Variants in SUN1 observed in about 807,000 individuals in gnomAD.
The protein encoded by SUN1 is Sad1 and UNC84 domain containing 1, also known as SUN domain-containing protein 1.
Under a neutral mutation model 103.2 loss-of-function variants are expected in SUN1, and 61 were observed. The ratio of observed to expected loss-of-function variants is 0.59; its 90% confidence interval spans 0.48 to 0.73. The LOEUF is 0.73. SUN1 is among the 30% of genes least tolerant of loss of function. The pLI is 0.00. For synonymous variants in SUN1, 490 were observed against 425.7 expected, an observed-to-expected ratio of 1.15 and a Z score of -1.86; for missense variants, 1,052 against 1,034.6, an observed-to-expected ratio of 1.02 and a Z score of -0.23.
Position 857,269 on chromosome 7 carries a change from G to A in SUN1, c.1395-559G>A, listed in dbSNP as rs529130317. On this transcript the variant is annotated intron_variant, in intron 12 of 18. Transcript: ENST00000401592. ...CCATGTTCCTCTTCTGTGAGGACAG[G>A]TGTGAGAGCTGGAGCACGGTTTTCT... is the stretch of plus-strand genomic sequence containing the variant. Among the ~76,000 whole-genome samples, 7 of 152,304 alleles carry A rather than the reference G, an allele frequency of 4.6e-5. 1 individual carries two copies. Among genetic ancestry groups the A allele is most frequent in the African/African-American group, 1.7e-4 (7 of 41,560 alleles).
chr7:827,538 C>T (rs990127269), upstream of SUN1, among the ~76,000 whole-genome samples: 7 of 148,638 alleles, frequency 4.7e-5, no homozygotes, highest in East Asian at 2.1e-4. Context: ...GGCGCAATCT[C>T]GGCTCACTGC....
At chr7:868,262 G>A (rs985223197) in intron 16 of SUN1, among the ~76,000 whole-genome samples, 2 of 152,256 alleles carry the variant, frequency 1.3e-5, no homozygotes, top group Non-Finnish European at 2.9e-5. Flanking sequence ...CAACTTGTCA[G>A]TCAGTCCCTG....
rs1554262344 is a variant in SUN1, at chr7:841,938, C to G, written c.267-8C>G. ...ATCTATAAACTTGCTGTTTTTTTTT[C>G]TTCTTAGAACAACAAAACAGCGCAG... On this transcript the variant is annotated splice_polypyrimidine_tract_variant and splice_region_variant and intron_variant, in intron 2 of 18. Transcript: ENST00000401592. 6.3e-7 allele frequency: 1 copy of G among 1,599,618 alleles called. No individual in the cohort carries two copies. Among genetic ancestry groups the G allele is most frequent in the Admixed American group, 1.8e-5 (1 of 56,308 alleles).
intron 1 of SUN1, among the ~76,000 whole-genome samples, chr7:836,319 A>AG (rs1202803519): frequency 6.6e-6 from 1 of 152,184 alleles, no homozygotes; most frequent in Non-Finnish European, 1.5e-5. Context: ...GCAGGCAGGA[A>AG]GGGTGTGTCA....
chr7:844,684 C>T (rs1813486522), intron 5 of SUN1, among the ~76,000 whole-genome samples: 2 of 152,230 alleles, frequency 1.3e-5, no homozygotes, highest in Admixed American at 1.3e-4. Context: ...TGCACGGTGC[C>T]TGCTTGGGTT....
chr7:847,494 C>T (rs563482555), intron 5 of SUN1, among the ~76,000 whole-genome samples: 44 of 102,986 alleles, frequency 4.3e-4, no homozygotes, highest in Non-Finnish European at 7.4e-4. Flanking sequence ...TACCCCACAG[C>T]GCCGTGCGCC....
chr7:839,963 C>T (rs986255095), intron 2 of SUN1, among the ~76,000 whole-genome samples: 2 of 152,244 alleles, frequency 1.3e-5, no homozygotes, highest in Admixed American at 6.5e-5. Context: ...GATCTCTGAA[C>T]TCTCCACGTG....
chr7:837,860 A>G (rs1319380755), intron 1 of SUN1, among the ~76,000 whole-genome samples: 3 of 152,230 alleles, frequency 2.0e-5, no homozygotes, highest in South Asian at 2.1e-4. Context: ...TAGAATCACA[A>G]TTGTGTAAAA....
chr7:840,787 G>T (rs1808873440), intron 2 of SUN1, among the ~76,000 whole-genome samples: 1 of 145,646 alleles, frequency 6.9e-6, no homozygotes, highest in Non-Finnish European at 1.5e-5. Context: ...GACTACAGGT[G>T]CCCGCCACCA....
In SUN1 at chr7:849,421, C is replaced by T. The variant is rs766558920; in HGVS notation, c.659-1963C>T. The stretch of plus-strand genomic sequence containing the variant: ...GTGGGAACTCTGTGGAAGTGGCTAG[C>T]CTTGCACATCCTCTGATCATGTTGA... On this transcript the variant is annotated intron_variant, in intron 5 of 18. Transcript: ENST00000401592. 3.4e-5 allele frequency: 31 copies of T among 913,450 alleles called. 1 individual carries two copies. Among genetic ancestry groups the T allele is most frequent in the Non-Finnish European group, 4.2e-5 (27 of 636,004 alleles). The allele number at this position is 913,450 out of a possible 1,614,324, so 56.6% of individuals were successfully genotyped here. A position where few individuals can be genotyped will look rare whatever the true frequency, so the allele number is the denominator to read the frequency against.
rs1825790415 is a variant in SUN1, at chr7:855,000, A to G, written c.1344A>G (p.Lys448=). 6 of 1,611,308 alleles carry G rather than the reference A, an allele frequency of 3.7e-6. No individual in the cohort carries two copies. The highest frequency in any genetic ancestry group is 5.1e-6 in the Non-Finnish European group (6 of 1,178,250). Residue 448 remains lysine, a synonymous_variant, in exon 11 of 19, where the codon AAA becomes AAG. Transcript: ENST00000401592. ...LEDILGKLRE[K]SEAIQKELEQ... is the part of the protein sequence containing the mutation. The stretch of plus-strand genomic sequence containing the variant: ...ATATTCTGGGAAAACTGAGAGAAAA[A>G]TCTGAGGTATTTATTTTTGACCTTA...
Position 874,190 on chromosome 7 carries a change from TAAG to T in SUN1, c.*861_*863del, listed in dbSNP as rs1372063590. The T allele has an allele frequency of 1.3e-5, 2 of 152,426 alleles. No homozygotes were observed. The highest frequency in any genetic ancestry group is 2.9e-5 in the Non-Finnish European group (2 of 68,042). 9.4% of individuals were successfully genotyped at this position (152,426 alleles called of 1,614,324 possible). ...TGAGCCTCCCTCTCACTGGTGGTGA[TAAG>T]AGGAGCCGTCTGGTGTGTCAGGGTC... On this transcript the variant is annotated 3_prime_UTR_variant, in exon 19 of 19. Coordinates refer to ENST00000401592, the MANE Select transcript of SUN1 (RefSeq NM_001130965.3).
intron 1 of SUN1, among the ~76,000 whole-genome samples, chr7:819,124 A>C (rs1411479109): frequency 6.6e-6 from 1 of 150,938 alleles, no homozygotes; most frequent in African/African-American, 2.4e-5. Flanking sequence ...CGCCCTCCCA[A>C]AGTGCTGGGA....
In SUN1 at chr7:839,666, C is replaced by CA. The variant is rs1451911996; in HGVS notation, c.266+680_266+681insA. ...CTCCCGGGTTCAAGAGATTCTCCTG[C>CA]CTCAGCCTCCCGAGTAGCTGGGACT... On this transcript the variant is annotated intron_variant, in intron 2 of 18. Transcript: ENST00000401592. Among the ~76,000 whole-genome samples, 10 of 113,020 alleles carry CA rather than the reference C, an allele frequency of 8.8e-5. 4 individuals carry two copies. The highest frequency in any genetic ancestry group is 3.7e-4 in the East Asian group (1 of 2,718). The allele number at this position is 113,020 out of a possible 152,430, so 74.1% of individuals were successfully genotyped here.
At position 857,923 on chromosome 7, in the gene SUN1, C is replaced by G. The variant is rs1828995586; in HGVS notation, c.1490C>G (p.Thr497Ser). The change falls in exon 13 of 19, where the codon ACC becomes AGC. Residue 497 changes from threonine to serine, a missense_variant. This residue lies in a region of SUN1 where 846 missense variants were observed against 774.5 expected (regional missense o/e 1.09). Coordinates refer to ENST00000401592, the MANE Select transcript of SUN1 (RefSeq NM_001130965.3). Reference sequence around the variant, plus strand: ...CTGTCCAGCTGGCGACACGTGAAGACCGGCTGTGAGACAGTGGATGCCGTA... The same window carrying G: ...CTGTCCAGCTGGCGACACGTGAAGAGCGGCTGTGAGACAGTGGATGCCGTA... ...SELSSWRHVK[T>S]GCETVDAVQE... 6.3e-7 allele frequency: 1 copy of G among 1,598,688 alleles called. No homozygotes were observed. The highest frequency in any genetic ancestry group is 8.6e-7 in the Non-Finnish European group (1 of 1,168,020).
chr7:843,126 T>G, intron 3 of SUN1, 80 bp from the exon 4 acceptor site: 1 of 1,581,508 alleles, frequency 6.3e-7, no homozygotes, highest in Non-Finnish European at 8.6e-7. Context: ...AACCTTTACA[T>G]TTTTTAATGG....
At chr7:854,799 C>A in intron 10 of SUN1, 121 bp from the exon 11 acceptor site, 1 of 678,252 alleles carries the variant, frequency 1.5e-6, no homozygotes. Flanking sequence ...GGGTCCGTGC[C>A]ACATTGCGAC....
At chr7:863,002 TGTGGTG>T (rs1482394918) in intron 15 of SUN1, among the ~76,000 whole-genome samples, 1 of 151,832 alleles carries the variant, frequency 6.6e-6, no homozygotes, top group Non-Finnish European at 1.5e-5. Flanking sequence ...ATTAGCTGGG[TGTGGTG>T]GTGGGCGCCT....
chr7:851,248 A>C (rs1002509130), intron 5 of SUN1, 136 bp from the exon 6 acceptor site: 1 of 626,418 alleles, frequency 1.6e-6, no homozygotes, highest in Non-Finnish European at 2.7e-6. Context: ...TTGGCTTTTC[A>C]TATTTTTTGA....
Sources: allele counts gnomAD v4.1 joint callset (sites outside exome capture counted in the v4.1 genomes callset), GRCh38; gene constraint gnomAD v4.1.1; regional missense constraint gnomAD v4.1.1; transcripts MANE v1.5; gene names NCBI Gene and HGNC (gene_info 2026-07-23, HGNC 2026-07-21).